The following PALM2AKAP2 variants were observed in gnomAD, a reference collection of about 807,000 sequenced individuals.
The protein encoded by PALM2AKAP2 is PALM2-AKAP2 fusion protein.
Under a neutral mutation model 71.5 loss-of-function variants are expected in PALM2AKAP2, and 37 were observed. The ratio of observed to expected loss-of-function variants is 0.52; its 90% CI spans 0.40 to 0.68. The LOEUF (loss-of-function observed/expected upper bound fraction) is 0.68. Ranked by LOEUF, PALM2AKAP2 falls within the 30% of genes least tolerant of loss-of-function variation. PALM2AKAP2 has a pLI of 0.00. For missense variants in PALM2AKAP2, 1,224 were observed against 1,191.8 expected (o/e 1.03, Z -0.40); for synonymous variants, 468 against 478.8 (o/e 0.98, Z 0.29).
At chr9:109,894,272 G>A (rs1374716415) in intron 3 of PALM2AKAP2, among the ~76,000 whole-genome samples, 1 of 152,192 alleles carries the variant, frequency 6.6e-6, no homozygotes, top group African/African-American at 2.4e-5. Context: ...CCAGGAGGCA[G>A]AGGTTGCAGT....
intron 1 of PALM2AKAP2, among the ~76,000 whole-genome samples, chr9:109,665,262 G>A (rs1016967020): frequency 6.6e-6 from 1 of 152,104 alleles, no homozygotes; most frequent in Admixed American, 6.5e-5. Context: ...GAGGAGAAGA[G>A]GCGTTCTGAT....
intron 3 of PALM2AKAP2, among the ~76,000 whole-genome samples, chr9:110,160,836 C>A (rs577843369): frequency 1.6e-4 from 24 of 152,236 alleles, no homozygotes; most frequent in Admixed American, 8.5e-4. Context: ...TTCCAGTGTG[C>A]TCTCTCTCTC....
chr9:109,918,472 A>G (rs1044389956), intron 3 of PALM2AKAP2, among the ~76,000 whole-genome samples: 1 of 152,226 alleles, frequency 6.6e-6, no homozygotes, highest in African/African-American at 2.4e-5. Context: ...AGCAGGTTAG[A>G]GGCTGTTATG....
intron 1 of PALM2AKAP2, among the ~76,000 whole-genome samples, chr9:109,725,332 ATTTGT>A (rs1487670524): frequency 1.1e-4 from 17 of 152,280 alleles, no homozygotes; most frequent in Admixed American, 7.2e-4. Flanking sequence ...GTATCAAAAT[ATTTGT>A]TTTGATTACT....
chr9:110,058,553 G>A (rs1833894084), intron 1 of PALM2AKAP2, among the ~76,000 whole-genome samples: 1 of 152,074 alleles, frequency 6.6e-6, no homozygotes, highest in African/African-American at 2.4e-5. Flanking sequence ...GGAGGCTGGG[G>A]GAGGAACGCA....
At chr9:110,114,017 A>G (rs957185399) in intron 1 of PALM2AKAP2, among the ~76,000 whole-genome samples, 14 of 152,216 alleles carry the variant, frequency 9.2e-5, no homozygotes, top group African/African-American at 3.4e-4. Flanking sequence ...GGAAATCCTC[A>G]TAACAGCCTC....
intron 1 of PALM2AKAP2, among the ~76,000 whole-genome samples, chr9:110,068,795 A>T (rs1834142733): frequency 6.6e-6 from 1 of 152,126 alleles, no homozygotes. Flanking sequence ...GGCCTCCCAA[A>T]GTGTTGGGAT....
chr9:109,659,387 T>C (rs1157472505), intron 1 of PALM2AKAP2, among the ~76,000 whole-genome samples: 4 of 151,786 alleles, frequency 2.6e-5, no homozygotes, highest in Non-Finnish European at 4.4e-5. Context: ...AGCCCAAGAA[T>C]CCCCCCTACT....
At chr9:110,165,658 C>T (rs1452353078) in intron 3 of PALM2AKAP2, among the ~76,000 whole-genome samples, 3 of 152,134 alleles carry the variant, frequency 2.0e-5, no homozygotes, top group Non-Finnish European at 4.4e-5. Flanking sequence ...TACTGGGGCT[C>T]TTGACAAGTA....
chr9:109,913,853 T>C (rs1588004135), intron 3 of PALM2AKAP2, among the ~76,000 whole-genome samples: 1 of 149,688 alleles, frequency 6.7e-6, no homozygotes, highest in African/African-American at 2.5e-5. Context: ...GCCTCCTGGG[T>C]TCATGCCATT....
intron 7 of PALM2AKAP2, among the ~76,000 whole-genome samples, chr9:110,026,610 C>T (rs1028439675): frequency 6.6e-6 from 1 of 152,188 alleles, no homozygotes. Flanking sequence ...AACCAAAACT[C>T]TCTACCCATT....
At chr9:109,676,221 T>G (rs1026716966) in intron 1 of PALM2AKAP2, among the ~76,000 whole-genome samples, 1 of 152,202 alleles carries the variant, frequency 6.6e-6, no homozygotes, top group African/African-American at 2.4e-5. Context: ...TTCAAAAAAT[T>G]GGGCAGCTTT....
At chr9:109,654,394 T>A (rs1369290830) in intron 1 of PALM2AKAP2, among the ~76,000 whole-genome samples, 1 of 152,216 alleles carries the variant, frequency 6.6e-6, no homozygotes, top group Non-Finnish European at 1.5e-5. Context: ...ATGAGAATTA[T>A]CTCCAAAACT....
intron 7 of PALM2AKAP2, among the ~76,000 whole-genome samples, chr9:110,037,450 C>T (rs995550372): frequency 1.3e-5 from 2 of 152,350 alleles, no homozygotes; most frequent in African/African-American, 4.8e-5. Flanking sequence ...AGGTAATCCA[C>T]CCACCTTGGC....
exon 2 of PALM2AKAP2, chr9:110,137,141 TCTC>T: frequency 1.2e-6 from 2 of 1,613,570 alleles, no homozygotes; most frequent in Non-Finnish European, 1.7e-6. Flanking sequence ...CCCTGCCTCT[TCTC>T]ATGAACGCGC....
rs574289700 is a variant in PALM2AKAP2, at chr9:109,949,932, G to A, written c.496+17904G>A. 2.0e-5 allele frequency among the ~76,000 whole-genome samples: 3 copies of A among 152,198 alleles called. No homozygotes were observed. In the South Asian group the frequency reaches 6.2e-4, roughly 32 times the overall value. ...GCATTTGAGAAATATATATGAAACG[G>A]TGAGTCAGAGCCCTCTGACCATCTT... On this transcript the variant is annotated intron_variant, in intron 6 of 9. Transcript: ENST00000302798.
At chr9:109,698,968 A>G (rs759323630) in intron 1 of PALM2AKAP2, among the ~76,000 whole-genome samples, 2 of 152,248 alleles carry the variant, frequency 1.3e-5, no homozygotes, top group Non-Finnish European at 2.9e-5. Context: ...GTATAATTAT[A>G]TAAGTAATTT....
At chr9:110,069,958 A>G (rs1012214412) in intron 1 of PALM2AKAP2, among the ~76,000 whole-genome samples, 8 of 152,310 alleles carry the variant, frequency 5.3e-5, no homozygotes, top group Middle Eastern at 3.4e-3. Flanking sequence ...AAGATGCCCA[A>G]CCCTTATTGT....
At chr9:110,012,394 C>T (rs1832900391) in intron 6 of PALM2AKAP2, among the ~76,000 whole-genome samples, 1 of 152,176 alleles carries the variant, frequency 6.6e-6, no homozygotes. Flanking sequence ...ATTTCTTTCC[C>T]TCTTCTGACT....
Sources: gnomAD v4.1 joint callset for allele counts (sites outside exome capture counted in the v4.1 genomes callset) on GRCh38, gnomAD v4.1.1 for gene constraint, MANE v1.5 for transcripts, NCBI Gene and HGNC (gene_info 2026-07-23, HGNC 2026-07-21) for gene names.